Variants in PCDHGA5 observed in about 807,000 individuals in gnomAD.
PCDHGA5 encodes the protein protocadherin gamma subfamily A, 5, also known as protocadherin gamma-A5.
PCDHGA5 carries 36 observed loss-of-function variants against 56.7 expected under a neutral mutation model. The observed-to-expected ratio is 0.64, with a 90% CI of 0.49 to 0.84. The LOEUF is 0.84. PCDHGA5 is among the 40% of genes least tolerant of loss of function. The pLI, the probability that PCDHGA5 is intolerant of heterozygous loss-of-function variation, is 0.00. For missense variants in PCDHGA5, 1,305 were observed against 1,201.5 expected, an observed-to-expected ratio of 1.09 and a Z score of -1.27; for synonymous variants, 563 against 520.2, an observed-to-expected ratio of 1.08 and a Z score of -1.12.
At chr5:141,378,233 G>C (rs1449430240) in intron 1 of PCDHGA5, 1 of 152,134 alleles carries the variant, frequency 6.6e-6, no homozygotes, top group African/African-American at 2.4e-5. Context: ...TAGTATTTAA[G>C]AGTGAAAATG....
At chr5:141,413,012 A>T in intron 1 of PCDHGA5, 1 of 657,714 alleles carries the variant, frequency 1.5e-6, no homozygotes, top group Non-Finnish European at 2.5e-6. Context: ...GGCTTCAACT[A>T]CACAAGCCCC....
chr5:141,502,679 T>C (rs943238781), intron 2 of PCDHGA5, among the ~76,000 whole-genome samples: 1 of 152,236 alleles, frequency 6.6e-6, no homozygotes, highest in Non-Finnish European at 1.5e-5. Flanking sequence ...TAGTATTCCC[T>C]GATGATCCTT....
intron 1 of PCDHGA5, chr5:141,370,528 C>T (rs896464914): frequency 1.3e-5 from 21 of 1,613,784 alleles, no homozygotes; most frequent in Middle Eastern, 1.6e-4. Flanking sequence ...GACAGGGGCT[C>T]GCTGGTAGGG....
intron 1 of PCDHGA5, chr5:141,395,547 TGTGTGTGTGTGTGTGTG>T (rs2093270399): frequency 1.4e-4 from 25 of 174,246 alleles, no homozygotes; most frequent in Middle Eastern, 2.2e-3. Context: ...ATTGTTTGTG[TGTGTGTGTGTGTGTGTG>T]TGTGTGTGTG....
Position 141,423,412 on chromosome 5 carries a change from T to C in PCDHGA5, c.2421+56661T>C, listed in dbSNP as rs754410783. 4 of 1,614,166 alleles carry C rather than the reference T, an allele frequency of 2.5e-6. No individual in the cohort carries two copies. The Admixed American group carries it at 6.7e-5, about 27-fold the overall frequency. The stretch of plus-strand genomic sequence containing the variant: ...GCATAAGTCACGCCTGCTGCAGGCT[T>C]CTGAAGGCGGGTTGGCAGGTATGCC... On this transcript the variant is annotated intron_variant, in intron 1 of 3. Coordinates refer to ENST00000518069, the MANE Select transcript of PCDHGA5 (RefSeq NM_018918.3).
intron 3 of PCDHGA5, among the ~76,000 whole-genome samples, chr5:141,510,048 G>GTGAT (rs1392197406): frequency 1.3e-5 from 2 of 152,192 alleles, no homozygotes; most frequent in Non-Finnish European, 2.9e-5. Context: ...GAGGTTAAAA[G>GTGAT]TGATTGTGCA....
At chr5:141,399,692 G>A (rs780007896) in intron 1 of PCDHGA5, 2 of 1,613,318 alleles carry the variant, frequency 1.2e-6, no homozygotes, top group Middle Eastern at 1.7e-4. Flanking sequence ...GAGCAGCTGC[G>A]CACCTTCGAA....
intron 1 of PCDHGA5, chr5:141,371,015 TCAC>T: frequency 1.9e-6 from 3 of 1,613,966 alleles, no homozygotes; most frequent in Non-Finnish European, 2.5e-6. Flanking sequence ...AGCAGCCACA[TCAC>T]CACCTGGTCC....
At chr5:141,372,134 C>T (rs376964998) in intron 1 of PCDHGA5, 3 of 1,613,696 alleles carry the variant, frequency 1.9e-6, no homozygotes, top group Non-Finnish European at 2.5e-6. Context: ...TGGTGCCGCG[C>T]TCTGCAGAGC....
In PCDHGA5 at chr5:141,495,049, T is replaced by G. The variant is rs543734863; in HGVS notation, c.2480+184T>G. ...CCCCGGAAGGAAGAGGCGACTGCCC[T>G]GACTGTTCAGGAAGCTCAATTCACA... On this transcript the variant is annotated intron_variant, in intron 2 of 3. Coordinates refer to ENST00000518069, the MANE Select transcript of PCDHGA5 (RefSeq NM_018918.3). Among the ~76,000 whole-genome samples the G allele has an allele frequency of 5.6e-4, 86 of 152,312 alleles. 1 individual carries two copies. Among genetic ancestry groups the G allele is most frequent in the African/African-American group, 1.6e-3 (65 of 41,578 alleles).
At chr5:141,495,896 CTCTG>C (rs1175207502) in intron 2 of PCDHGA5, among the ~76,000 whole-genome samples, 2 of 152,108 alleles carry the variant, frequency 1.3e-5, no homozygotes, top group Non-Finnish European at 2.9e-5. Flanking sequence ...CTCTCTTTGT[CTCTG>C]TCTCTGTATA....
At chr5:141,472,017 T>C (rs2154571143) in intron 1 of PCDHGA5, among the ~76,000 whole-genome samples, 1 of 152,290 alleles carries the variant, frequency 6.6e-6, no homozygotes, top group South Asian at 2.1e-4. Context: ...GGGCACTATA[T>C]TGTATGTAGA....
chr5:141,491,414 G>T lies in PCDHGA5; in HGVS notation c.2422-3393G>T, dbSNP rs137987971. ...CTTCAGGGAAACGCAGACGGGGACGGGGGTGGAGGGCAGTGCTGCAGGCGC... is the reference window on the plus strand; with the variant it reads ...CTTCAGGGAAACGCAGACGGGGACGTGGGTGGAGGGCAGTGCTGCAGGCGC... On this transcript the variant is annotated intron_variant, in intron 1 of 3. Coordinates refer to ENST00000518069, the MANE Select transcript of PCDHGA5 (RefSeq NM_018918.3). The surrounding 1 kb of genome is among the most constrained non-coding windows in gnomAD (Gnocchi z 6.9). 1.9e-6 allele frequency: 3 copies of T among 1,614,008 alleles called. No homozygotes were observed. Among genetic ancestry groups the T allele is most frequent in the Non-Finnish European group, 2.5e-6 (3 of 1,180,030 alleles).
At chr5:141,480,295 G>A (rs1190133739) in intron 1 of PCDHGA5, among the ~76,000 whole-genome samples, 2 of 133,330 alleles carry the variant, frequency 1.5e-5, no homozygotes, top group Admixed American at 7.4e-5. Context: ...TGCACCTGTG[G>A]TACCAGCTAC....
At position 141,491,134 on chromosome 5, in the gene PCDHGA5, C is replaced by T. The variant is rs1594979273; in HGVS notation, c.2422-3673C>T. Reference sequence around the variant, plus strand: ...ACACACTGGTGAGGTGCGCACAGCCCGGGCCTTACTGGAGGATGACTCTGA... The same window carrying T: ...ACACACTGGTGAGGTGCGCACAGCCTGGGCCTTACTGGAGGATGACTCTGA... On this transcript the variant is annotated intron_variant, in intron 1 of 3. Transcript: ENST00000518069. The surrounding 1 kb of genome is among the most constrained non-coding windows in gnomAD (Gnocchi z 6.9). The T allele has an allele frequency of 6.2e-7, 1 of 1,614,138 alleles. No homozygotes were observed. Among genetic ancestry groups the T allele is most frequent in the Non-Finnish European group, 8.5e-7 (1 of 1,179,994 alleles).
At chr5:141,407,707 G>A (rs894295431) in intron 1 of PCDHGA5, among the ~76,000 whole-genome samples, 1 of 151,964 alleles carries the variant, frequency 6.6e-6, no homozygotes, top group African/African-American at 2.4e-5. Flanking sequence ...TTGAAGGTGG[G>A]GTGATGGCTA....
At chr5:141,393,129 A>G in intron 1 of PCDHGA5, 2 of 1,613,426 alleles carry the variant, frequency 1.2e-6, no homozygotes, top group Non-Finnish European at 1.7e-6. Context: ...TCTGATAAAT[A>G]TTAACACCCT....
intron 1 of PCDHGA5, among the ~76,000 whole-genome samples, chr5:141,492,762 T>C (rs917580804): frequency 2.6e-5 from 4 of 152,206 alleles, no homozygotes; most frequent in African/African-American, 9.6e-5. Flanking sequence ...GGGCTCCGCG[T>C]TGGGCGAGTG....
At position 141,486,447 on chromosome 5, in the gene PCDHGA5, T is replaced by A. The variant is rs1452869378; in HGVS notation, c.2422-8360T>A. 6.2e-7 allele frequency: 1 copy of A among 1,614,058 alleles called. No individual in the cohort carries two copies. The highest frequency in any genetic ancestry group is 1.7e-5 in the Admixed American group (1 of 60,012). On this transcript the variant is annotated intron_variant, in intron 1 of 3. Coordinates refer to ENST00000518069, the MANE Select transcript of PCDHGA5 (RefSeq NM_018918.3). This position sits in a 1 kb window ranked among gnomAD's most constrained non-coding sequence, Gnocchi z 5.0. Reference sequence around the variant, plus strand: ...GCCAAATCTAGCTATGACATCATGGTCACTGCTTCTGATGCTGGGAACCCT... The same window carrying A: ...GCCAAATCTAGCTATGACATCATGGACACTGCTTCTGATGCTGGGAACCCT...
Sources: gnomAD v4.1 joint callset for allele counts (sites outside exome capture counted in the v4.1 genomes callset) on GRCh38, gnomAD v4.1.1 for gene constraint, Gnocchi (gnomAD v3.1) non-coding constraint, MANE v1.5 for transcripts, NCBI Gene and HGNC (gene_info 2026-07-23, HGNC 2026-07-21) for gene names.